RBFOX1: variants seen among roughly 807,000 people sequenced by gnomAD.
RBFOX1 encodes the protein RNA binding fox-1 homolog 1, also known as RNA binding protein fox-1 homolog 1.
In RBFOX1, 8 loss-of-function variants were observed where a neutral mutation model predicts 57.7. That is an observed-to-expected ratio of 0.14 (90% CI 0.08 to 0.25). The LOEUF (loss-of-function observed/expected upper bound fraction) is 0.25. RBFOX1 is among the 10% of genes least tolerant of loss of function. RBFOX1 has a pLI of 1.00. For missense variants in RBFOX1, 611 were observed against 548.5 expected (o/e 1.11, Z -1.14); for synonymous variants, 326 against 222.4 (o/e 1.47, Z -4.15).
intron 3 of RBFOX1, chr16:6,721,930 C>T (rs896972574): frequency 6.5e-6 from 1 of 153,784 alleles, no homozygotes; most frequent in African/African-American, 2.4e-5. Flanking sequence ...TTCCACATCC[C>T]TGCTCAAAGC....
intron 2 of RBFOX1, among the ~76,000 whole-genome samples, chr16:6,433,653 C>T (rs1031177360): frequency 6.6e-6 from 1 of 152,066 alleles, no homozygotes; most frequent in Non-Finnish European, 1.5e-5. Context: ...GGGATAAAAT[C>T]CAGGTGTTAG....
intron 1 of RBFOX1, among the ~76,000 whole-genome samples, chr16:6,150,583 G>A (rs2096790536): frequency 6.6e-6 from 1 of 152,154 alleles, no homozygotes; most frequent in Non-Finnish European, 1.5e-5. Context: ...ACAGAGAGGT[G>A]TTATTCCTGT....
intron 1 of RBFOX1, among the ~76,000 whole-genome samples, chr16:6,226,086 G>C (rs938775374): frequency 1.3e-5 from 2 of 151,830 alleles, no homozygotes; most frequent in African/African-American, 4.8e-5. Context: ...CAGGCCTGGT[G>C]CAGTGGCTCA....
intron 2 of RBFOX1, among the ~76,000 whole-genome samples, chr16:6,410,789 A>G (rs543883821): frequency 1.3e-4 from 20 of 152,312 alleles, no homozygotes; most frequent in Admixed American, 2.6e-4. Context: ...CATGCTGTGT[A>G]GGCTGTTGGA....
intron 2 of RBFOX1, among the ~76,000 whole-genome samples, chr16:6,421,245 C>T (rs375504377): frequency 5.3e-5 from 8 of 152,262 alleles, no homozygotes; most frequent in Admixed American, 3.3e-4. Context: ...GAGGGCAGCC[C>T]GCATCTCTGC....
chr16:7,549,846 G>A lies in RBFOX1; in HGVS notation c.271-29931G>A, dbSNP rs527995642. Among the ~76,000 whole-genome samples the A allele has an allele frequency of 3.3e-5, 5 of 152,184 alleles. No individual in the cohort carries two copies. The South Asian group carries it at 6.2e-4, about 19-fold the overall frequency. On this transcript the variant is annotated intron_variant, in intron 5 of 15. Coordinates refer to ENST00000550418, the MANE Select transcript of RBFOX1 (RefSeq NM_018723.4). The stretch of plus-strand genomic sequence containing the variant: ...TAATCTTCTTCGGAAACACCCTCAC[G>A]GACACACGCAGGAGCAGTACTTTGC...
At chr16:7,298,414 A>G (rs1316117497) in intron 4 of RBFOX1, among the ~76,000 whole-genome samples, 1 of 149,008 alleles carries the variant, frequency 6.7e-6, no homozygotes, top group African/African-American at 2.5e-5. Context: ...TCTGCCTCCC[A>G]AGTAGCTGGG....
chr16:6,389,467 G>A (rs930180071), intron 2 of RBFOX1, among the ~76,000 whole-genome samples: 1 of 152,078 alleles, frequency 6.6e-6, no homozygotes, highest in African/African-American at 2.4e-5. Flanking sequence ...CATGAAAGCA[G>A]GCACCTGGTT....
intron 4 of RBFOX1, among the ~76,000 whole-genome samples, chr16:7,511,029 G>A (rs1011389134): frequency 6.6e-6 from 1 of 152,166 alleles, no homozygotes; most frequent in Non-Finnish European, 1.5e-5. Flanking sequence ...GACTATAAAG[G>A]TGGGGAAATA....
chr16:5,271,814 TC>T (rs1272859783), intron 1 of RBFOX1, among the ~76,000 whole-genome samples: 1 of 152,220 alleles, frequency 6.6e-6, no homozygotes, highest in Non-Finnish European at 1.5e-5. Context: ...GAGTTCAACT[TC>T]TTTAGATTCC....
At chr16:7,000,730 A>C (rs1293674866) in intron 3 of RBFOX1, among the ~76,000 whole-genome samples, 3 of 150,060 alleles carry the variant, frequency 2.0e-5, no homozygotes, top group African/African-American at 7.4e-5. Context: ...TCAGCCTCCC[A>C]AGTAGCTGGG....
intron 2 of RBFOX1, among the ~76,000 whole-genome samples, chr16:5,568,512 A>C (rs1432313946): frequency 6.6e-6 from 1 of 152,144 alleles, no homozygotes. Context: ...GAGCAGCGTA[A>C]AGGTCACCAA....
intron 4 of RBFOX1, among the ~76,000 whole-genome samples, chr16:7,170,202 G>T (rs1319223144): frequency 1.3e-5 from 2 of 152,174 alleles, no homozygotes; most frequent in Non-Finnish European, 2.9e-5. Context: ...ATGATGACCA[G>T]ATTAATACTT....
intron 4 of RBFOX1, among the ~76,000 whole-genome samples, chr16:7,431,720 C>T (rs989629783): frequency 6.6e-6 from 1 of 152,196 alleles, no homozygotes; most frequent in Admixed American, 6.5e-5. Context: ...CTCTCCTTAG[C>T]CTCTGGCAAT....
At chr16:7,333,422 C>T (rs1251138203) in intron 4 of RBFOX1, among the ~76,000 whole-genome samples, 1 of 152,154 alleles carries the variant, frequency 6.6e-6, no homozygotes, top group Non-Finnish European at 1.5e-5. Flanking sequence ...CAGAGCAGAT[C>T]ATGAGACAAA....
In RBFOX1 at chr16:5,591,833, C is replaced by G. The variant is rs527438573; in HGVS notation, c.259-7069C>G. Among the ~76,000 whole-genome samples, 209 of 152,242 alleles carry G rather than the reference C, an allele frequency of 1.4e-3. 1 individual carries two copies. Among genetic ancestry groups the G allele is most frequent in the African/African-American group, 4.9e-3 (202 of 41,552 alleles). ...TTACAAAAAGGCTTCCATGAATATC[C>G]TTGGCACAAGTCATGTTATACTCAT... On this transcript the variant is annotated intron_variant, in intron 2 of 2. Coordinates refer to the RBFOX1 transcript ENST00000585867.
chr16:7,113,246 A>C (rs1357726495), intron 4 of RBFOX1, among the ~76,000 whole-genome samples: 2 of 152,158 alleles, frequency 1.3e-5, no homozygotes, highest in African/African-American at 4.8e-5. Flanking sequence ...ATTTGAATGG[A>C]GACCCAAGAG....
In RBFOX1 at chr16:6,797,792, T is replaced by G. The variant is rs558573079; in HGVS notation, c.-16+143142T>G. 2.0e-5 allele frequency among the ~76,000 whole-genome samples: 3 copies of G among 152,294 alleles called. No homozygotes were observed. In the South Asian group the frequency reaches 6.2e-4, roughly 32 times the overall value. On this transcript the variant is annotated intron_variant, in intron 3 of 15. Transcript: ENST00000550418. ...TGATGTTTAAAAATCCAATATCATT[T>G]GGTAAGAAGTAACACAACATTATGT...
At chr16:6,489,957 T>G (rs948192418) in intron 2 of RBFOX1, among the ~76,000 whole-genome samples, 1 of 152,196 alleles carries the variant, frequency 6.6e-6, no homozygotes, top group African/African-American at 2.4e-5. Context: ...TCTCCTAAGG[T>G]GTCTTCAAGA....
Sources: allele counts gnomAD v4.1 joint callset (sites outside exome capture counted in the v4.1 genomes callset), GRCh38; gene constraint gnomAD v4.1.1; transcripts MANE v1.5; gene names NCBI Gene and HGNC (gene_info 2026-07-23, HGNC 2026-07-21).